Variants in CCDC60 observed in about 807,000 individuals in gnomAD.
The protein encoded by CCDC60 is coiled-coil domain containing 60, also known as coiled-coil domain-containing protein 60.
A neutral mutation model predicts 63.5 loss-of-function variants in CCDC60; 54 were observed. The observed-to-expected ratio is 0.85, with a 90% CI of 0.68 to 1.07. The LOEUF (loss-of-function observed/expected upper bound fraction) is 1.07. CCDC60 is among the 50% of genes least tolerant of loss of function. CCDC60 has a pLI of 0.00. For synonymous variants in CCDC60, 206 were observed against 238.8 expected (o/e 0.86, Z 1.27); for missense variants, 651 against 684.3 (o/e 0.95, Z 0.54).
intron 2 of CCDC60, among the ~76,000 whole-genome samples, chr12:119,453,939 A>G (rs1950680372): frequency 6.6e-6 from 1 of 152,140 alleles, no homozygotes. Context: ...ATAAGAAGAA[A>G]AAAATGATAA....
chr12:119,360,144 C>A (rs1306224124), intron 1 of CCDC60, among the ~76,000 whole-genome samples: 1 of 149,538 alleles, frequency 6.7e-6, no homozygotes, highest in African/African-American at 2.5e-5. Flanking sequence ...CCGGACGGGG[C>A]GGCTGGCCGG....
At chr12:119,343,416 T>C (rs1955552179) in intron 1 of CCDC60, among the ~76,000 whole-genome samples, 1 of 152,050 alleles carries the variant, frequency 6.6e-6, no homozygotes, top group Non-Finnish European at 1.5e-5. Flanking sequence ...GTCAGGGGTT[T>C]CATAGTGGCT....
Position 119,500,088 on chromosome 12 carries a change from G to A in CCDC60, c.568G>A (p.Gly190Arg). The A allele has an allele frequency of 6.2e-7, 1 of 1,611,638 alleles. No individual in the cohort carries two copies. Among genetic ancestry groups the A allele is most frequent in the Non-Finnish European group, 8.5e-7 (1 of 1,178,282 alleles). Residue 190 changes from glycine (G) to arginine (R), a missense_variant, in exon 6 of 14, where the codon GGA becomes AGA. Coordinates refer to ENST00000327554, the MANE Select transcript of CCDC60 (RefSeq NM_178499.5). ...ITCWNPKDPG[G>R]SKSTIKKINK... ...CTGTTTCTCACTCAGGGACCCGGGT[G>A]GAAGCAAGAGCACCATTAAAAAAAT...
Position 119,368,861 on chromosome 12 carries a change from G to A in CCDC60, c.90+33595G>A, listed in dbSNP as rs562271909. Among the ~76,000 whole-genome samples, 17 of 152,264 alleles carry A rather than the reference G, an allele frequency of 1.1e-4. No individual in the cohort carries two copies. In the South Asian group the frequency reaches 3.5e-3, roughly 32 times the overall value. ...ATCTGTAATACCCCAAATTTAATTG[G>A]TGCTAATTATTTCTCTTTCTATGCT... On this transcript the variant is annotated intron_variant, in intron 1 of 13. Transcript: ENST00000327554.
At chr12:119,510,595 T>C (rs964596709) in intron 7 of CCDC60, among the ~76,000 whole-genome samples, 7 of 152,126 alleles carry the variant, frequency 4.6e-5, no homozygotes, top group Admixed American at 2.0e-4. Context: ...TAAAAAGCAG[T>C]GGCTTAAAAA....
At chr12:119,400,138 C>T (rs1033848030) in intron 1 of CCDC60, among the ~76,000 whole-genome samples, 1 of 151,984 alleles carries the variant, frequency 6.6e-6, no homozygotes, top group Admixed American at 6.5e-5. Context: ...CAACCTCCGC[C>T]TCCGGGGTTC....
intron 9 of CCDC60, 143 bp downstream of exon 9, chr12:119,520,335 C>T (rs1219171079): frequency 1.5e-6 from 1 of 666,772 alleles, no homozygotes; most frequent in African/African-American, 1.8e-5. Flanking sequence ...TCACTAGAAA[C>T]AAGCCCCTTT....
intron 5 of CCDC60, among the ~76,000 whole-genome samples, chr12:119,492,156 G>A (rs1951604532): frequency 6.6e-6 from 1 of 152,110 alleles, no homozygotes; most frequent in South Asian, 2.1e-4. Context: ...TATTTGTTGG[G>A]GTTGTTTTTT....
rs1173218539 is a variant in CCDC60, at chr12:119,518,106, G to A, written c.968+1399G>A. On this transcript the variant is annotated intron_variant, in intron 8 of 13. Coordinates refer to ENST00000327554, the MANE Select transcript of CCDC60 (RefSeq NM_178499.5). ...CTGCTTGTGAATGATGAATTCGCTG[G>A]CTGCTGCCTCAACTCTCATTGGGGC... Among the ~76,000 whole-genome samples the A allele has an allele frequency of 2.6e-5, 4 of 152,204 alleles. No homozygotes were observed. In the South Asian group the frequency reaches 8.3e-4, roughly 32 times the overall value.
At chr12:119,335,394 A>G in intron 1 of CCDC60, 128 bp downstream of exon 1, 1 of 622,458 alleles carries the variant, frequency 1.6e-6, no homozygotes, top group Non-Finnish European at 2.7e-6. Context: ...ACAATGGTTG[A>G]ACTAGTTTAC....
At chr12:119,501,193 C>G (rs938361195) in intron 6 of CCDC60, among the ~76,000 whole-genome samples, 1 of 152,182 alleles carries the variant, frequency 6.6e-6, no homozygotes, top group Non-Finnish European at 1.5e-5. Context: ...AAGGCAAACA[C>G]ACTTTGAAAA....
At chr12:119,494,084 G>A (rs2084328107) in intron 5 of CCDC60, among the ~76,000 whole-genome samples, 1 of 152,172 alleles carries the variant, frequency 6.6e-6, no homozygotes, top group African/African-American at 2.4e-5. Flanking sequence ...AGACTCTTTG[G>A]ATTTTGGAAT....
In CCDC60 at chr12:119,535,884, C is replaced by G. The variant is rs144512564; in HGVS notation, c.1552-4730C>G. Among the ~76,000 whole-genome samples, 1,296 of 152,028 alleles carry G rather than the reference C, an allele frequency of 8.5e-3. 14 individuals carry two copies. The highest frequency in any genetic ancestry group is 0.03 in the African/African-American group (1,235 of 41,476). On this transcript the variant is annotated intron_variant, in intron 13 of 13. Coordinates refer to ENST00000327554, the MANE Select transcript of CCDC60 (RefSeq NM_178499.5). ...TGCGATGTGGTGCTAAGAAGAATGT[C>G]TATTCTGTTGATTTGGGGTGGAGAG...
At chr12:119,388,547 T>C (rs563517183) in intron 1 of CCDC60, among the ~76,000 whole-genome samples, 2 of 152,374 alleles carry the variant, frequency 1.3e-5, no homozygotes, top group South Asian at 2.1e-4. Context: ...GAGGATCATC[T>C]ATATATTCAT....
chr12:119,506,418 C>T (rs375697099), intron 7 of CCDC60, among the ~76,000 whole-genome samples: 8 of 125,606 alleles, frequency 6.4e-5, no homozygotes, highest in South Asian at 2.4e-4. Context: ...GCTTGGGCAA[C>T]GTGGTGAAAC....
At chr12:119,352,240 G>A (rs191543962) in intron 1 of CCDC60, among the ~76,000 whole-genome samples, 2 of 152,262 alleles carry the variant, frequency 1.3e-5, no homozygotes, top group South Asian at 2.1e-4. Context: ...TGATCCAGTC[G>A]CCTTCTACCA....
chr12:119,473,010 T>C (rs1315563791), intron 3 of CCDC60, among the ~76,000 whole-genome samples: 4 of 152,366 alleles, frequency 2.6e-5, no homozygotes, highest in Non-Finnish European at 5.9e-5. Context: ...TGATGTTTAC[T>C]GTGTGCTTAA....
intron 9 of CCDC60, 55 bp from the exon 10 acceptor site, chr12:119,522,884 C>A: frequency 6.4e-7 from 1 of 1,552,524 alleles, no homozygotes. Flanking sequence ...CTGGGGGCAC[C>A]CTTTTCTTGA....
intron 1 of CCDC60, among the ~76,000 whole-genome samples, chr12:119,336,608 G>A (rs993802703): frequency 1.3e-5 from 2 of 152,210 alleles, no homozygotes. Flanking sequence ...GGTTTGCCAC[G>A]CACCAGCTGT....
Sources: allele counts gnomAD v4.1 joint callset (sites outside exome capture counted in the v4.1 genomes callset), GRCh38; gene constraint gnomAD v4.1.1; transcripts MANE v1.5; gene names NCBI Gene and HGNC (gene_info 2026-07-23, HGNC 2026-07-21).